Variants in PKIB observed in about 807,000 individuals in gnomAD.
PKIB encodes the protein cAMP-dependent protein kinase inhibitor beta.
A neutral mutation model predicts 4.5 loss-of-function variants in PKIB; 2 were observed. That is an observed-to-expected ratio of 0.44 (90% confidence interval 0.18 to 1.39). The LOEUF is 1.39. Ranked by LOEUF, PKIB falls within the 40% of genes most tolerant of loss-of-function variation. The pLI is 0.27. For missense variants in PKIB, 94 were observed against 92.6 expected (o/e 1.02, Z -0.06); for synonymous variants, 38 against 36.0 (o/e 1.06, Z -0.20).
intron 2 of PKIB, among the ~76,000 whole-genome samples, chr6:122,652,427 G>A (rs548705325): frequency 2.3e-4 from 35 of 151,958 alleles, no homozygotes; most frequent in Non-Finnish European, 4.0e-4. Context: ...TGCAAGCTGG[G>A]AATTCCTTGG....
At chr6:122,676,685 A>T (rs1777687519) in intron 3 of PKIB, among the ~76,000 whole-genome samples, 1 of 152,160 alleles carries the variant, frequency 6.6e-6, no homozygotes, top group African/African-American at 2.4e-5. Flanking sequence ...TGACATTAAC[A>T]TTTGTGTAGT....
At chr6:122,648,201 C>T (rs1431621778) in intron 2 of PKIB, among the ~76,000 whole-genome samples, 1 of 152,214 alleles carries the variant, frequency 6.6e-6, no homozygotes, top group South Asian at 2.1e-4. Flanking sequence ...AGTGGAAGAA[C>T]ACCTCCCTTT....
At chr6:122,502,651 C>T (rs1776277589) in intron 2 of PKIB, among the ~76,000 whole-genome samples, 1 of 152,090 alleles carries the variant, frequency 6.6e-6, no homozygotes, top group Non-Finnish European at 1.5e-5. Context: ...CCTTCCTCAA[C>T]CTGTGGGGAT....
rs183048248 is a variant in PKIB at position 122,623,948 on chromosome 6, G to A, written c.-160-9335G>A. Among the ~76,000 whole-genome samples the A allele has an allele frequency of 1.8e-3, 270 of 152,014 alleles. 1 individual carries two copies. The highest frequency in any genetic ancestry group is 6.0e-3 in the African/African-American group (250 of 41,472). ...AACATATTAAACACAATATGTGCCA[G>A]GCATTATTCTTTGTGACAAGAATTC... On this transcript the variant is annotated intron_variant, in intron 1 of 4. Transcript: ENST00000368452.
At chr6:122,585,752 A>G (rs1773830696) in intron 2 of PKIB, among the ~76,000 whole-genome samples, 1 of 152,122 alleles carries the variant, frequency 6.6e-6, no homozygotes, top group African/African-American at 2.4e-5. Flanking sequence ...TGCTTCCTCC[A>G]AGCATTTTGT....
chr6:122,522,873 A>T (rs1776987020), intron 2 of PKIB, among the ~76,000 whole-genome samples: 1 of 152,180 alleles, frequency 6.6e-6, no homozygotes, highest in Non-Finnish European at 1.5e-5. Flanking sequence ...TTGCCTGGAG[A>T]TAGCATTTTT....
At chr6:122,490,282 G>C (rs1399867232) in intron 2 of PKIB, among the ~76,000 whole-genome samples, 1 of 152,174 alleles carries the variant, frequency 6.6e-6, no homozygotes, top group Admixed American at 6.5e-5. Context: ...TCACATGTTG[G>C]CTTCTTCAGG....
intron 3 of PKIB, among the ~76,000 whole-genome samples, chr6:122,712,948 G>A (rs1166469451): frequency 6.6e-6 from 1 of 152,106 alleles, no homozygotes; most frequent in Non-Finnish European, 1.5e-5. Context: ...GCTCTTCGGG[G>A]CCCACTGGGT....
chr6:122,534,869 T>A (rs913965546), intron 2 of PKIB, among the ~76,000 whole-genome samples: 4 of 152,144 alleles, frequency 2.6e-5, no homozygotes, highest in African/African-American at 4.8e-5. Context: ...ATATGTGTGA[T>A]TAATAAAAGT....
At chr6:122,716,085 T>C (rs181445425) in intron 3 of PKIB, among the ~76,000 whole-genome samples, 11 of 152,234 alleles carry the variant, frequency 7.2e-5, no homozygotes, top group South Asian at 4.2e-4. Flanking sequence ...GTCTTCCCAA[T>C]AGGAAAATAC....
At chr6:122,720,222 G>A (rs1779683784) in intron 4 of PKIB, among the ~76,000 whole-genome samples, 1 of 152,056 alleles carries the variant, frequency 6.6e-6, no homozygotes, top group South Asian at 2.1e-4. Context: ...TAAGTGGCAG[G>A]AAATCTAGGA....
intron 2 of PKIB, among the ~76,000 whole-genome samples, chr6:122,646,710 T>C (rs1776330463): frequency 6.6e-6 from 1 of 152,236 alleles, no homozygotes; most frequent in African/African-American, 2.4e-5. Context: ...AGTTAATTTA[T>C]GTAATTAAAA....
intron 3 of PKIB, among the ~76,000 whole-genome samples, chr6:122,592,931 C>T (rs1395871236): frequency 2.0e-5 from 3 of 152,112 alleles, no homozygotes; most frequent in Non-Finnish European, 4.4e-5. Context: ...TTTGGGGTCT[C>T]AGGTAACAAT....
At chr6:122,604,436 C>T (rs1469168822) in intron 3 of PKIB, among the ~76,000 whole-genome samples, 1 of 152,030 alleles carries the variant, frequency 6.6e-6, no homozygotes, top group Non-Finnish European at 1.5e-5. Context: ...AGTGACACTG[C>T]TTAAGAACAG....
intron 2 of PKIB, among the ~76,000 whole-genome samples, chr6:122,488,367 C>G (rs942084794): frequency 5.3e-5 from 8 of 151,996 alleles, no homozygotes; most frequent in African/African-American, 1.9e-4. Flanking sequence ...ACGGGGAAAC[C>G]CCCCACCTAG....
intron 2 of PKIB, among the ~76,000 whole-genome samples, chr6:122,573,636 A>T (rs1773439455): frequency 6.6e-6 from 1 of 152,204 alleles, no homozygotes; most frequent in Non-Finnish European, 1.5e-5. Context: ...GCAAGTCAAT[A>T]TATGTGATAC....
Position 122,708,075 on chromosome 6 carries a change from A to G in PKIB, c.-8-9712A>G, listed in dbSNP as rs377563864. 5.9e-5 allele frequency among the ~76,000 whole-genome samples: 9 copies of G among 152,358 alleles called. No homozygotes were observed. The East Asian group carries it at 1.3e-3, about 23-fold the overall frequency. On this transcript the variant is annotated intron_variant, in intron 3 of 4. Coordinates refer to ENST00000368452, the MANE Select transcript of PKIB (RefSeq NM_181795.3). ...AATACATCAATGAAACAACCTACAA[A>G]AACAAAAGCTCTGCTTTGTGGAGCT...
intron 2 of PKIB, among the ~76,000 whole-genome samples, chr6:122,655,429 T>G (rs1776731027): frequency 6.6e-6 from 1 of 152,200 alleles, no homozygotes; most frequent in African/African-American, 2.4e-5. Context: ...CCAGGAGAAC[T>G]CCCTCTCTTT....
At chr6:122,661,629 G>A (rs942474268) in intron 2 of PKIB, among the ~76,000 whole-genome samples, 3 of 151,596 alleles carry the variant, frequency 2.0e-5, no homozygotes, top group Admixed American at 6.6e-5. Context: ...TCCACTTTTT[G>A]GCTATTATGA....
Sources: gnomAD v4.1 joint callset for allele counts (sites outside exome capture counted in the v4.1 genomes callset) on GRCh38, gnomAD v4.1.1 for gene constraint, MANE v1.5 for transcripts, NCBI Gene and HGNC (gene_info 2026-07-23, HGNC 2026-07-21) for gene names.